The following CFAP43 variants were observed in gnomAD, a reference collection of about 807,000 sequenced individuals.
CFAP43 encodes cilia and flagella associated protein 43, also known as cilia- and flagella-associated protein 43.
CFAP43 carries 155 observed loss-of-function variants against 218.9 expected under a neutral mutation model. That is an observed-to-expected ratio of 0.71 (90% CI 0.62 to 0.81). The LOEUF (loss-of-function observed/expected upper bound fraction) is 0.81, where lower values mean the gene tolerates loss of function less well. Among genes scored for constraint, CFAP43 ranks in the 30% least tolerant of loss-of-function variants. The probability of loss-of-function intolerance (pLI) is 0.00; values close to 1 mark genes in which losing one functional copy is unlikely to be tolerated. For synonymous variants in CFAP43, 645 were observed against 681.3 expected, an observed-to-expected ratio of 0.95 and a Z score of 0.83; for missense variants, 1,778 against 1,954.3, an observed-to-expected ratio of 0.91 and a Z score of 1.70.
At chr10:104,191,328 C>G (rs1037390379) in intron 12 of CFAP43, among the ~76,000 whole-genome samples, 43 of 152,162 alleles carry the variant, frequency 2.8e-4, no homozygotes, top group African/African-American at 7.7e-4. Flanking sequence ...TTCCATTTAC[C>G]TGTTATACCA....
At chr10:104,143,371 C>T in intron 32 of CFAP43, 55 bp downstream of exon 32, 8 of 1,473,176 alleles carry the variant, frequency 5.4e-6, no homozygotes, top group Non-Finnish European at 7.4e-6. Flanking sequence ...CCAATGTAAA[C>T]TATGTATTTG....
At position 104,186,113 on chromosome 10, in the gene CFAP43, C is replaced by A; in HGVS notation, c.1871G>T (p.Gly624Val). The part of the protein sequence containing the change: ...SYLLPEEEHT[G>V]IYILKPYKKV... ...TTTGTATGGTTTAAGAATGTAGATA[C>A]CGGTATGTTCCTGCCAATCAAAGAA... The change falls in exon 15 of 38, where the codon GGT (glycine) becomes GTT (valine). Residue 624 changes from glycine (G) to valine (V), a missense_variant. By Grantham distance (109) the Gly-to-Val change is moderately radical. Coordinates refer to ENST00000357060, the MANE Select transcript of CFAP43 (RefSeq NM_025145.7). 6.6e-7 allele frequency: 1 copy of A among 1,513,470 alleles called. No homozygotes were observed. Among genetic ancestry groups the A allele is most frequent in the Admixed American group, 2.4e-5 (1 of 42,344 alleles). 93.8% of individuals were successfully genotyped at this position (1,513,470 alleles called of 1,614,324 possible). A position where few individuals can be genotyped will look rare whatever the true frequency, so the allele number is the denominator to read the frequency against.
chr10:104,184,719 TG>T (rs2089974824), intron 16 of CFAP43, among the ~76,000 whole-genome samples: 2 of 152,022 alleles, frequency 1.3e-5, no homozygotes, highest in Admixed American at 6.6e-5. Context: ...CAGAACCCAC[TG>T]ATAATATTCA....
Position 104,161,029 on chromosome 10 carries a change from C to A in CFAP43, c.3540+8G>T, listed in dbSNP as rs780221613. 6.3e-7 allele frequency: 1 copy of A among 1,599,060 alleles called. No individual in the cohort carries two copies. The highest frequency in any genetic ancestry group is 8.6e-7 in the Non-Finnish European group (1 of 1,168,786). ...TGGTAGGTTATATTAATTATTTGCT[C>A]TTCTGACCTTTCTATACTTATCTCT... On this transcript the variant is annotated splice_region_variant and intron_variant, in intron 27 of 37. Coordinates refer to ENST00000357060, the MANE Select transcript of CFAP43 (RefSeq NM_025145.7).
At chr10:104,214,137 ATG>A in intron 4 of CFAP43, 120 bp downstream of exon 4, 6 of 832,818 alleles carry the variant, frequency 7.2e-6, no homozygotes, top group South Asian at 3.1e-5. Context: ...ATGTGTGTGT[ATG>A]TGTGTGTATG....
At chr10:104,220,366 T>C (rs1218222339) in intron 3 of CFAP43, among the ~76,000 whole-genome samples, 1 of 152,144 alleles carries the variant, frequency 6.6e-6, no homozygotes, top group Non-Finnish European at 1.5e-5. Flanking sequence ...AGCTAATTAA[T>C]AGAAGTATCT....
chr10:104,135,665 T>TATC (rs1297856725), intron 34 of CFAP43, among the ~76,000 whole-genome samples: 3 of 152,108 alleles, frequency 2.0e-5, no homozygotes, highest in Non-Finnish European at 4.4e-5. Context: ...AAATAAAGTT[T>TATC]ATCTAAAAAG....
At chr10:104,210,685 G>A (rs1416936616) in intron 5 of CFAP43, among the ~76,000 whole-genome samples, 1 of 151,264 alleles carries the variant, frequency 6.6e-6, no homozygotes, top group Non-Finnish European at 1.5e-5. Context: ...CATTTATCAT[G>A]CTCCAGCCAT....
At chr10:104,197,286 G>T (rs1224929930) in intron 9 of CFAP43, among the ~76,000 whole-genome samples, 1 of 152,078 alleles carries the variant, frequency 6.6e-6, no homozygotes, top group Non-Finnish European at 1.5e-5. Flanking sequence ...TAAATTACTA[G>T]AACTTATTTT....
At chr10:104,160,698 A>C (rs1323956859) in intron 27 of CFAP43, among the ~76,000 whole-genome samples, 2 of 152,242 alleles carry the variant, frequency 1.3e-5, no homozygotes, top group Non-Finnish European at 2.9e-5. Context: ...ATAAATGTAC[A>C]CAACACAGAG....
At chr10:104,152,289 A>T (rs1162593501) in intron 28 of CFAP43, among the ~76,000 whole-genome samples, 1 of 152,204 alleles carries the variant, frequency 6.6e-6, no homozygotes, top group Non-Finnish European at 1.5e-5. Context: ...GAAAGATATT[A>T]CCTAGTGTGA....
chr10:104,225,399 C>A, intron 3 of CFAP43, 62 bp downstream of exon 3: 2 of 1,286,454 alleles, frequency 1.6e-6, no homozygotes, highest in African/African-American at 1.5e-5. Context: ...TCGATAAAAT[C>A]CAGAAGAGTA....
chr10:104,183,090 T>G (rs1332108134), intron 16 of CFAP43, among the ~76,000 whole-genome samples: 1 of 152,146 alleles, frequency 6.6e-6, no homozygotes, highest in Non-Finnish European at 1.5e-5. Flanking sequence ...CATAATCACA[T>G]GTGGCCCCCT....
At chr10:104,143,976 G>T (rs1046993967) in intron 31 of CFAP43, among the ~76,000 whole-genome samples, 8 of 152,180 alleles carry the variant, frequency 5.3e-5, no homozygotes, top group African/African-American at 1.9e-4. Flanking sequence ...CTCCCAAAGT[G>T]TTGGGAGTAC....
rs765719276 is a variant in CFAP43 at position 104,147,972 on chromosome 10, T to C, written c.3687A>G (p.Ala1229=). ...ATTCTTCATCCAACAATAAAGAAAA[T>C]GCAAGGTTACTTATTTTCAGTTCCT... ...NQEELKISNL[A]FSLLLDEELS... is the part of the protein sequence containing the mutation. The change falls in exon 29 of 38, where the codon GCA becomes GCG. Residue 1229 remains alanine (A), a synonymous_variant. Transcript: ENST00000357060. The C allele has an allele frequency of 3.1e-6, 5 of 1,592,736 alleles. No individual in the cohort carries two copies. The highest frequency in any genetic ancestry group is 4.3e-6 in the Non-Finnish European group (5 of 1,168,666).
rs570763769 is a variant in CFAP43, at chr10:104,220,214, G to A, written c.416+5247C>T. Among the ~76,000 whole-genome samples the A allele has an allele frequency of 2.0e-5, 3 of 152,152 alleles. 1 individual carries two copies. In the South Asian group the frequency reaches 6.2e-4, roughly 32 times the overall value. ...GAGCAGAAGTTGGTGAGAGGCGCGG[G>A]GGCAGATTCTCTCTCACAGCCCTCA... is the stretch of plus-strand genomic sequence containing the variant. On this transcript the variant is annotated intron_variant, in intron 3 of 37. Transcript: ENST00000357060.
At chr10:104,203,922 A>G (rs1327052106) in intron 7 of CFAP43, 119 bp from the exon 8 acceptor site, 1 of 883,558 alleles carries the variant, frequency 1.1e-6, no homozygotes, top group Non-Finnish European at 1.6e-6. Context: ...ATCATCATCT[A>G]TGTTTGCATA....
Position 104,172,789 on chromosome 10 carries a change from A to G in CFAP43, c.2461-254T>C, listed in dbSNP as rs541904916. 7.2e-5 allele frequency among the ~76,000 whole-genome samples: 11 copies of G among 152,344 alleles called. 1 individual carries two copies. In the South Asian group the frequency reaches 1.0e-3, roughly 14 times the overall value. ...GCTCATCATTTCATTCAATGATATT[A>G]AAGCACTGTTGCTAGTTTGAGGTAC... On this transcript the variant is annotated intron_variant, in intron 19 of 37. Transcript: ENST00000357060.
At chr10:104,182,849 C>CTT (rs2089899603) in intron 16 of CFAP43, among the ~76,000 whole-genome samples, 5 of 152,126 alleles carry the variant, frequency 3.3e-5, no homozygotes, top group Non-Finnish European at 7.4e-5. Context: ...GTAGCTGGGA[C>CTT]TACAGGGGTA....
Sources: allele counts gnomAD v4.1 joint callset (sites outside exome capture counted in the v4.1 genomes callset), GRCh38; gene constraint gnomAD v4.1.1; transcripts MANE v1.5; gene names NCBI Gene and HGNC (gene_info 2026-07-23, HGNC 2026-07-21).